MARCHF6: variants seen among roughly 807,000 people sequenced by gnomAD.
The protein encoded by MARCHF6 is membrane associated ring-CH-type finger 6, also known as E3 ubiquitin-protein ligase MARCHF6.
MARCHF6 carries 31 observed loss-of-function variants against 133.7 expected under a neutral mutation model. The observed-to-expected ratio is 0.23, with a 90% CI of 0.17 to 0.31. The LOEUF is 0.31. MARCHF6 is among the 10% of genes least tolerant of loss of function. The pLI is 1.00. For synonymous variants in MARCHF6, 395 were observed against 402.5 expected, an observed-to-expected ratio of 0.98 and a Z score of 0.22; for missense variants, 723 against 1,121.6, an observed-to-expected ratio of 0.64 and a Z score of 5.08.
intron 1 of MARCHF6, among the ~76,000 whole-genome samples, chr5:10,367,804 G>C (rs1736223975): frequency 6.6e-6 from 1 of 151,992 alleles, no homozygotes; most frequent in Admixed American, 6.6e-5. Flanking sequence ...ATTGAGCCAA[G>C]CTCTTTGGTG....
At chr5:10,390,188 G>C in intron 5 of MARCHF6, 144 bp from the exon 6 acceptor site, 2 of 659,042 alleles carry the variant, frequency 3.0e-6, no homozygotes, top group East Asian at 2.8e-5. Context: ...GGAGAAACTT[G>C]AGATTTTCAT....
intron 4 of MARCHF6, among the ~76,000 whole-genome samples, chr5:10,383,335 G>A (rs1737269737): frequency 6.6e-6 from 1 of 152,172 alleles, no homozygotes; most frequent in Non-Finnish European, 1.5e-5. Flanking sequence ...ATGGAGATGA[G>A]GAAACAATTG....
chr5:10,426,043 C>G (rs1740069112), intron 23 of MARCHF6, among the ~76,000 whole-genome samples: 1 of 152,212 alleles, frequency 6.6e-6, no homozygotes, highest in Non-Finnish European at 1.5e-5. Context: ...TTACGTATCT[C>G]TTTCATAAGA....
intron 5 of MARCHF6, among the ~76,000 whole-genome samples, chr5:10,390,110 A>G (rs1579565247): frequency 6.6e-6 from 1 of 152,190 alleles, no homozygotes; most frequent in Non-Finnish European, 1.5e-5. Flanking sequence ...AATACATAAT[A>G]CAAGTATGTA....
chr5:10,363,182 G>A (rs992281113), intron 1 of MARCHF6, among the ~76,000 whole-genome samples: 10 of 152,114 alleles, frequency 6.6e-5, no homozygotes, highest in African/African-American at 2.4e-4. Flanking sequence ...AAAAGAAGTG[G>A]ATAAATCAGA....
At position 10,410,132 on chromosome 5, in the gene MARCHF6, C is replaced by G; in HGVS notation, c.1554-7C>G. Reference sequence around the variant, plus strand: ...ACAATTCACATTATAAATCCTGCCTCTTTCAGTGATGCTCCAGTGAGTGAA... The same window carrying G: ...ACAATTCACATTATAAATCCTGCCTGTTTCAGTGATGCTCCAGTGAGTGAA... On this transcript the variant is annotated splice_polypyrimidine_tract_variant and splice_region_variant and intron_variant, in intron 17 of 25. Coordinates refer to ENST00000274140, the MANE Select transcript of MARCHF6 (RefSeq NM_005885.4). The G allele has an allele frequency of 6.2e-7, 1 of 1,613,580 alleles. No homozygotes were observed.
At chr5:10,422,235 G>A (rs1056820269) in intron 22 of MARCHF6, among the ~76,000 whole-genome samples, 4 of 152,296 alleles carry the variant, frequency 2.6e-5, no homozygotes, top group African/African-American at 9.6e-5. Context: ...AGAGGAAATT[G>A]AGAAAGAGAA....
At chr5:10,382,568 C>CT (rs1192169530) in intron 4 of MARCHF6, among the ~76,000 whole-genome samples, 6 of 152,066 alleles carry the variant, frequency 3.9e-5, no homozygotes, top group African/African-American at 1.4e-4. Flanking sequence ...TGACTCACGC[C>CT]TGTAATCCCA....
Position 10,433,852 on chromosome 5 carries a change from C to G in MARCHF6, c.*168C>G, listed in dbSNP as rs1740483901. The G allele has an allele frequency of 3.3e-6, 2 of 608,238 alleles. No homozygotes were observed. Among genetic ancestry groups the G allele is most frequent in the South Asian group, 2.0e-5 (1 of 50,240 alleles). 37.7% of individuals were successfully genotyped at this position (608,238 alleles called of 1,614,324 possible). On this transcript the variant is annotated 3_prime_UTR_variant, in exon 26 of 26. Transcript: ENST00000274140. The stretch of plus-strand genomic sequence containing the variant: ...GCGGTGTAAGATTCTGCTGTTCTCC[C>G]TGGATCTTCTGACATTACTGCTGTC...
At chr5:10,402,920 A>G (rs1296188518) in intron 14 of MARCHF6, among the ~76,000 whole-genome samples, 1 of 152,182 alleles carries the variant, frequency 6.6e-6, no homozygotes, top group East Asian at 1.9e-4. Context: ...ATAATTTGAT[A>G]AGGAAACTGT....
At position 10,353,884 on chromosome 5, in the gene MARCHF6, G is replaced by GC. The variant is rs750773083; in HGVS notation, c.-8dup. The GC allele has an allele frequency of 2.5e-5, 39 of 1,561,896 alleles. No homozygotes were observed. The East Asian group carries it at 3.1e-4, about 13-fold the overall frequency. ...GGAGCCTCGTGGCTGCGTCACCGCC[G>GC]CCCCCCCAGACAAGATGGACACCGC... On this transcript the variant is annotated 5_prime_UTR_variant, in exon 1 of 26. Transcript: ENST00000274140.
chr5:10,428,593 C>T (rs542277932), intron 24 of MARCHF6, among the ~76,000 whole-genome samples: 4 of 152,200 alleles, frequency 2.6e-5, no homozygotes, highest in East Asian at 1.9e-4. Context: ...CCACCCCCCT[C>T]GGCCGCCCAG....
Position 10,407,186 on chromosome 5 carries a change from A to G in MARCHF6, c.1537A>G (p.Asn513Asp). Residue 513 changes from asparagine to aspartate, a missense_variant, in exon 17 of 26, where the codon AAT (asparagine) becomes GAT (aspartate). Asn to Asp is a conservative substitution (Grantham distance 23). Around this residue, in one of 4 missense-constraint regions of MARCHF6, gnomAD observed 492 missense variants for 699.5 expected, o/e 0.70. Transcript: ENST00000274140. ...KSVLPNFLPY[N>D]VMLYSDAPVS... ...TGTGCTGCCTAATTTTCTTCCATACAATGTCATGCTCTACAGGTAAGTTTT... is the reference window on the plus strand; with the variant it reads ...TGTGCTGCCTAATTTTCTTCCATACGATGTCATGCTCTACAGGTAAGTTTT... 1.2e-6 allele frequency: 2 copies of G among 1,608,160 alleles called. No homozygotes were observed. Among genetic ancestry groups the G allele is most frequent in the African/African-American group, 1.3e-5 (1 of 74,844 alleles).
chr5:10,386,943 G>T, intron 4 of MARCHF6, 51 bp from the exon 5 acceptor site: 2 of 1,385,270 alleles, frequency 1.4e-6, no homozygotes, highest in South Asian at 2.3e-5. Flanking sequence ...GCAGCTATGT[G>T]AATTCATGAT....
chr5:10,419,894 G>C (rs116396145), intron 22 of MARCHF6, among the ~76,000 whole-genome samples: 133 of 152,292 alleles, frequency 8.7e-4, no homozygotes, highest in African/African-American at 3.2e-3. Flanking sequence ...CCTCTGCTTT[G>C]TGCTATCTGG....
At chr5:10,382,034 T>C (rs112610625) in intron 4 of MARCHF6, 91 bp downstream of exon 4, 3 of 1,258,012 alleles carry the variant, frequency 2.4e-6, no homozygotes, top group African/African-American at 1.5e-5. Flanking sequence ...ATTATTTGAC[T>C]GATGTTTAGT....
rs780061610 is a variant in MARCHF6, at chr5:10,417,292, C to T, written c.2171C>T (p.Ala724Val). 1.7e-5 allele frequency: 28 copies of T among 1,613,124 alleles called. No individual in the cohort carries two copies. The highest frequency in any genetic ancestry group is 1.9e-5 in the Non-Finnish European group (22 of 1,179,814). ...TAGATCATGAAGACTTTGATAGTTG[C>T]GGTGCTGTTGGCTGGAGTTGTCCCT... ...SLMIMKTLIV[A>V]VLLAGVVPLL... The change falls in exon 22 of 26, where the codon GCG (alanine) becomes GTG (valine). Residue 724 changes from alanine (A) to valine (V), a missense_variant. By Grantham distance (64) the Ala-to-Val change is moderately conservative (BLOSUM62 0). Around this residue, in one of 4 missense-constraint regions of MARCHF6, gnomAD observed 492 missense variants for 699.5 expected, o/e 0.70. Transcript: ENST00000274140.
At chr5:10,409,059 A>T (rs375466811) in intron 17 of MARCHF6, among the ~76,000 whole-genome samples, 16 of 152,194 alleles carry the variant, frequency 1.1e-4, no homozygotes, top group African/African-American at 3.6e-4. Flanking sequence ...GGCCTCAAGC[A>T]ATCCTTCCAC....
rs2307119 is a variant in MARCHF6, at chr5:10,415,449, C to G, written c.1967-39C>G. ...ACATGAAGATGACAATTCTCTTTAC[C>G]TAGCCACATGTCTCATTTATCAGCT... On this transcript the variant is annotated intron_variant, in intron 20 of 25. Transcript: ENST00000274140. The G allele has an allele frequency of 2.6e-5, 41 of 1,562,210 alleles. No homozygotes were observed. In the East Asian group the frequency reaches 9.2e-4, roughly 35 times the overall value.
Sources: allele counts gnomAD v4.1 joint callset (sites outside exome capture counted in the v4.1 genomes callset), GRCh38; gene constraint gnomAD v4.1.1; regional missense constraint gnomAD v4.1.1; transcripts MANE v1.5; gene names NCBI Gene and HGNC (gene_info 2026-07-23, HGNC 2026-07-21).